Variants in RAP1GAP2 observed in about 807,000 individuals in gnomAD.
RAP1GAP2 encodes the protein rap1 GTPase-activating protein 2.
In RAP1GAP2, 27 loss-of-function variants were observed where a neutral mutation model predicts 95.0. The ratio of observed to expected loss-of-function variants is 0.28; its 90% CI spans 0.21 to 0.39. RAP1GAP2 has a LOEUF of 0.39. RAP1GAP2 is among the 10% of genes least tolerant of loss of function. RAP1GAP2 has a pLI of 1.00. For synonymous variants in RAP1GAP2, 373 were observed against 380.9 expected, an observed-to-expected ratio of 0.98 and a Z score of 0.24; for missense variants, 771 against 970.0, an observed-to-expected ratio of 0.79 and a Z score of 2.72.
intron 3 of RAP1GAP2, among the ~76,000 whole-genome samples, chr17:2,941,155 A>C (rs2043481132): frequency 6.6e-6 from 1 of 152,180 alleles, no homozygotes; most frequent in East Asian, 1.9e-4. Context: ...TAATCCCAGC[A>C]CTTTGGGAGG....
At position 3,008,047 on chromosome 17, in the gene RAP1GAP2, G is replaced by A. The variant is rs1483978320; in HGVS notation, c.1396G>A (p.Asp466Asn). Residue 466 changes from aspartate to asparagine, a missense_variant, in exon 17 of 25, where the codon GAT becomes AAT. Transcript: ENST00000254695. This position sits in a 1 kb window ranked among gnomAD's most constrained non-coding sequence, Gnocchi z 4.2. ...GGCTGCCCTCCTGGACAACCTTCAC[G>A]ATGAGCTCCACGCCCACACACAGGC... Reference protein sequence around the residue: ...TRAALLDNLHDELHAHTQAML... With the variant: ...TRAALLDNLHNELHAHTQAML... 2 of 1,613,798 alleles carry A rather than the reference G, an allele frequency of 1.2e-6. No individual in the cohort carries two copies. Among genetic ancestry groups the A allele is most frequent in the Non-Finnish European group, 1.7e-6 (2 of 1,179,856 alleles).
chr17:2,942,693 TTAAAG>T (rs1242322852), intron 3 of RAP1GAP2, among the ~76,000 whole-genome samples: 1 of 152,192 alleles, frequency 6.6e-6, no homozygotes, highest in African/African-American at 2.4e-5. Context: ...ATTAATGATC[TTAAAG>T]TGAACAACTC....
chr17:3,019,844 G>T (rs938832573), intron 18 of RAP1GAP2, among the ~76,000 whole-genome samples: 8 of 152,146 alleles, frequency 5.3e-5, no homozygotes, highest in Non-Finnish European at 1.0e-4. Flanking sequence ...CTAGAGGTTG[G>T]TTCCAGGCTC....
Position 3,026,106 on chromosome 17 carries a change from G to A in RAP1GAP2, c.1850G>A (p.Cys617Tyr). 6.2e-7 allele frequency: 1 copy of A among 1,610,116 alleles called. No homozygotes were observed. Among genetic ancestry groups the A allele is most frequent in the Non-Finnish European group, 8.5e-7 (1 of 1,176,418 alleles). ...TSSNPSSPEICPNKEKPFMKL... is the reference protein window; with the variant it reads ...TSSNPSSPEIYPNKEKPFMKL... ...TCCAATCCCAGCTCTCCGGAAATCT[G>A]CCCCAACAAGGAGAAGTAAGAGAGT... Residue 617 changes from cysteine (C) to tyrosine (Y), a missense_variant, in exon 20 of 25, where the codon TGC becomes TAC. Cys to Tyr is a radical substitution (Grantham distance 194). Coordinates refer to ENST00000254695, the MANE Select transcript of RAP1GAP2 (RefSeq NM_015085.5).
At chr17:3,032,251 A>T (rs144427758) in intron 23 of RAP1GAP2, among the ~76,000 whole-genome samples, 160 bp from the exon 24 acceptor site, 1 of 126,860 alleles carries the variant, frequency 7.9e-6, no homozygotes, top group African/African-American at 3.0e-5. Context: ...ACTATCGAGA[A>T]CTCCAGGTCC....
At chr17:2,865,752 C>T (rs143537618) in intron 2 of RAP1GAP2, among the ~76,000 whole-genome samples, 7 of 152,308 alleles carry the variant, frequency 4.6e-5, no homozygotes, top group Admixed American at 3.3e-4. Context: ...AGGACTCAGC[C>T]GTGGTGCAAG....
At chr17:2,863,895 T>C (rs1270973106) in intron 2 of RAP1GAP2, among the ~76,000 whole-genome samples, 2 of 151,996 alleles carry the variant, frequency 1.3e-5, no homozygotes, top group African/African-American at 4.8e-5. Context: ...CTACTAAAAA[T>C]ACAAAAATTA....
intron 2 of RAP1GAP2, among the ~76,000 whole-genome samples, chr17:2,852,172 A>ATTT (rs2071881167): frequency 1.3e-5 from 2 of 152,172 alleles, no homozygotes; most frequent in African/African-American, 4.8e-5. Context: ...CACTCATTTT[A>ATTT]TTCTTTTTCC....
intron 2 of RAP1GAP2, among the ~76,000 whole-genome samples, chr17:2,885,327 C>T (rs117002609): frequency 4.1e-4 from 62 of 152,318 alleles, no homozygotes; most frequent in Non-Finnish European, 8.4e-4. Context: ...CCACCGCGCC[C>T]GGCAGATAGA....
At chr17:2,981,349 G>A (rs1008721258) in intron 10 of RAP1GAP2, 101 bp downstream of exon 10, 138 of 1,098,924 alleles carry the variant, frequency 1.3e-4, no homozygotes, top group Middle Eastern at 2.1e-4. Flanking sequence ...GTGGGGTTTC[G>A]TGGGGTCTCC....
intron 17 of RAP1GAP2, among the ~76,000 whole-genome samples, chr17:3,012,126 T>C (rs2046568963): frequency 6.6e-6 from 1 of 152,160 alleles, no homozygotes; most frequent in African/African-American, 2.4e-5. Context: ...AGCAGTTCCT[T>C]ACAGCTCACT....
chr17:3,016,884 A>C (rs2151636385), intron 17 of RAP1GAP2, among the ~76,000 whole-genome samples: 2 of 152,324 alleles, frequency 1.3e-5, no homozygotes, highest in East Asian at 1.9e-4. Flanking sequence ...CCCAGATACA[A>C]ATCCTGGCAG....
chr17:2,875,359 A>G (rs972885722), intron 2 of RAP1GAP2, among the ~76,000 whole-genome samples: 1 of 151,912 alleles, frequency 6.6e-6, no homozygotes, highest in Non-Finnish European at 1.5e-5. Flanking sequence ...GAGCCACTGC[A>G]CCCGGCCACA....
intron 11 of RAP1GAP2, among the ~76,000 whole-genome samples, chr17:2,988,799 C>T (rs1056975009): frequency 3.9e-5 from 6 of 152,222 alleles, no homozygotes; most frequent in South Asian, 2.1e-4. Context: ...CAGTGGCTCA[C>T]GCCTGTAATC....
intron 2 of RAP1GAP2, among the ~76,000 whole-genome samples, chr17:2,898,830 A>G (rs956169517): frequency 6.6e-6 from 1 of 151,934 alleles, no homozygotes; most frequent in Non-Finnish European, 1.5e-5. Context: ...ATAACGCCCC[A>G]TGAGGCGAGG....
chr17:3,026,537 G>A, intron 21 of RAP1GAP2, 73 bp downstream of exon 21: 2 of 1,211,796 alleles, frequency 1.7e-6, no homozygotes, highest in Admixed American at 2.5e-5. Context: ...CATTAAAACG[G>A]CACTGTGGAT....
chr17:2,908,735 G>T (rs964117422), intron 3 of RAP1GAP2, among the ~76,000 whole-genome samples: 1 of 152,014 alleles, frequency 6.6e-6, no homozygotes, highest in Non-Finnish European at 1.5e-5. Flanking sequence ...AAATTTTAGG[G>T]ACAGGGTCGT....
chr17:2,977,196 T>C (rs2045160579), intron 8 of RAP1GAP2, among the ~76,000 whole-genome samples: 1 of 151,962 alleles, frequency 6.6e-6, no homozygotes, highest in South Asian at 2.1e-4. Flanking sequence ...AGGACGCAGT[T>C]AGAAACAAAG....
chr17:2,907,322 G>A lies in RAP1GAP2; in HGVS notation c.165+1954G>A, dbSNP rs542863017. 9.7e-4 allele frequency among the ~76,000 whole-genome samples: 147 copies of A among 152,296 alleles called. 1 individual carries two copies. Among genetic ancestry groups the A allele is most frequent in the African/African-American group, 3.4e-3 (143 of 41,556 alleles). On this transcript the variant is annotated intron_variant, in intron 3 of 24. Transcript: ENST00000254695. ...CCATGAGAAGAAGGGGAAGGGATGC[G>A]GGGCAGGCAAGACCCACAGCTTTCC... is the stretch of plus-strand genomic sequence containing the variant.
Sources: allele counts gnomAD v4.1 joint callset (sites outside exome capture counted in the v4.1 genomes callset), GRCh38; gene constraint gnomAD v4.1.1; non-coding constraint Gnocchi (gnomAD v3.1); transcripts MANE v1.5; gene names NCBI Gene and HGNC (gene_info 2026-07-23, HGNC 2026-07-21).